Variants in MAGI2 observed in about 807,000 individuals in gnomAD.
The protein encoded by MAGI2 is membrane-associated guanylate kinase, WW and PDZ domain-containing protein 2.
Under a neutral mutation model 133.3 loss-of-function variants are expected in MAGI2, and 35 were observed. The observed-to-expected ratio is 0.26, with a 90% CI of 0.20 to 0.35. The LOEUF (loss-of-function observed/expected upper bound fraction) is 0.35. Ranked by LOEUF, MAGI2 falls within the 10% of genes least tolerant of loss-of-function variation. The pLI is 1.00. For missense variants in MAGI2, 1,636 were observed against 1,863.4 expected, an observed-to-expected ratio of 0.88 and a Z score of 2.25; for synonymous variants, 729 against 710.6, an observed-to-expected ratio of 1.03 and a Z score of -0.41.
At chr7:78,938,375 T>C (rs967690466) in intron 2 of MAGI2, among the ~76,000 whole-genome samples, 3 of 152,240 alleles carry the variant, frequency 2.0e-5, no homozygotes, top group East Asian at 3.9e-4. Flanking sequence ...AGTCACCATA[T>C]TGCGTATAGT....
At chr7:78,540,723 T>TA (rs952177067) in intron 3 of MAGI2, among the ~76,000 whole-genome samples, 23 of 152,158 alleles carry the variant, frequency 1.5e-4, no homozygotes, top group African/African-American at 5.3e-4. Flanking sequence ...CCCTGAGAGA[T>TA]AAAGTCAGAA....
At chr7:78,023,359 GT>G (rs1473300887) in intron 21 of MAGI2, among the ~76,000 whole-genome samples, 1 of 152,050 alleles carries the variant, frequency 6.6e-6, no homozygotes, top group South Asian at 2.1e-4. Context: ...CTGCCTACCT[GT>G]TTCCCTGCCT....
At chr7:79,421,238 T>C (rs1846936940) in intron 1 of MAGI2, among the ~76,000 whole-genome samples, 1 of 152,038 alleles carries the variant, frequency 6.6e-6, no homozygotes, top group Non-Finnish European at 1.5e-5. Flanking sequence ...CTATATATTC[T>C]TACCATGTTG....
chr7:79,449,508 C>T (rs947411319), intron 1 of MAGI2, among the ~76,000 whole-genome samples: 3 of 152,064 alleles, frequency 2.0e-5, no homozygotes, highest in Non-Finnish European at 4.4e-5. Flanking sequence ...CTGCTGTGAA[C>T]TTTAGTGGCA....
intron 20 of MAGI2, 50 bp downstream of exon 20, chr7:78,125,644 C>T (rs367973229): frequency 1.5e-4 from 234 of 1,590,354 alleles, no homozygotes; most frequent in Admixed American, 1.2e-3. Flanking sequence ...ATACCACAGT[C>T]GGTTTTTCTT....
chr7:79,239,034 A>C (rs1832166344), intron 1 of MAGI2, among the ~76,000 whole-genome samples: 1 of 152,182 alleles, frequency 6.6e-6, no homozygotes, highest in South Asian at 2.1e-4. Flanking sequence ...TTCATTAGGA[A>C]ATAATGTTCT....
chr7:78,686,821 G>A (rs533570338), intron 2 of MAGI2, among the ~76,000 whole-genome samples: 3 of 152,244 alleles, frequency 2.0e-5, no homozygotes, highest in Admixed American at 6.5e-5. Context: ...GAAAGCAAGC[G>A]CATACTAACT....
intron 1 of MAGI2, among the ~76,000 whole-genome samples, chr7:79,408,430 G>A (rs1845947881): frequency 6.6e-6 from 1 of 151,890 alleles, no homozygotes; most frequent in African/African-American, 2.4e-5. Context: ...GGTCTTTGGA[G>A]GGTTACCCAG....
At chr7:78,187,033 T>C (rs939099597) in intron 12 of MAGI2, among the ~76,000 whole-genome samples, 2 of 152,212 alleles carry the variant, frequency 1.3e-5, no homozygotes, top group African/African-American at 4.8e-5. Flanking sequence ...GAGTTACTTC[T>C]ATCTGAGAGA....
intron 1 of MAGI2, among the ~76,000 whole-genome samples, chr7:79,239,978 C>T (rs566236951): frequency 1.3e-5 from 2 of 152,274 alleles, no homozygotes; most frequent in East Asian, 1.9e-4. Context: ...AAATGTCTTC[C>T]CTCAGATTAT....
intron 4 of MAGI2, among the ~76,000 whole-genome samples, chr7:78,508,185 CCTAA>C (rs1166232748): frequency 6.6e-6 from 1 of 152,010 alleles, no homozygotes; most frequent in East Asian, 1.9e-4. Flanking sequence ...ATGACCACGT[CCTAA>C]CTAATTATAT....
At chr7:78,109,198 G>C (rs1378060560) in intron 20 of MAGI2, among the ~76,000 whole-genome samples, 1 of 149,034 alleles carries the variant, frequency 6.7e-6, no homozygotes, top group Admixed American at 6.7e-5. Flanking sequence ...CAGCTACTCG[G>C]GAGGCTGAGG....
intron 2 of MAGI2, among the ~76,000 whole-genome samples, chr7:78,979,178 A>G (rs1408737971): frequency 6.6e-6 from 1 of 151,844 alleles, no homozygotes; most frequent in Non-Finnish European, 1.5e-5. Flanking sequence ...CTTAGAGGAA[A>G]TGACACCCCA....
rs1796968269 is a variant in MAGI2 at position 78,526,537 on chromosome 7, T to C, written c.539-4892A>G. On this transcript the variant is annotated intron_variant, in intron 3 of 21. Transcript: ENST00000354212. ...ATTGTCCCCTTAATTCTGTGATATTTGGAAAATCTATAAATTTACATAGTC... is the reference window on the plus strand; with the variant it reads ...ATTGTCCCCTTAATTCTGTGATATTCGGAAAATCTATAAATTTACATAGTC... 2.6e-5 allele frequency among the ~76,000 whole-genome samples: 4 copies of C among 152,346 alleles called. No homozygotes were observed. In the South Asian group the frequency reaches 8.3e-4, roughly 32 times the overall value.
chr7:78,739,986 G>A (rs1036415059), intron 2 of MAGI2, among the ~76,000 whole-genome samples: 1 of 151,990 alleles, frequency 6.6e-6, no homozygotes, highest in East Asian at 1.9e-4. Flanking sequence ...GTGAAACCCC[G>A]TTTCTACTAA....
chr7:79,349,586 G>T (rs1483156199), intron 1 of MAGI2, among the ~76,000 whole-genome samples: 1 of 151,928 alleles, frequency 6.6e-6, no homozygotes, highest in Non-Finnish European at 1.5e-5. Context: ...ATCTAGAGAG[G>T]TTGAGTAATT....
intron 9 of MAGI2, among the ~76,000 whole-genome samples, chr7:78,312,330 C>G (rs976046807): frequency 4.6e-5 from 7 of 151,824 alleles, no homozygotes; most frequent in Non-Finnish European, 7.4e-5. Context: ...AACATCAAAC[C>G]TAAACTTCTT....
At chr7:78,402,676 G>A (rs1796998217) in intron 6 of MAGI2, among the ~76,000 whole-genome samples, 1 of 152,162 alleles carries the variant, frequency 6.6e-6, no homozygotes, top group South Asian at 2.1e-4. Flanking sequence ...TAAAAACACA[G>A]ATTAAACTTA....
chr7:79,281,733 C>T (rs1420538878), intron 1 of MAGI2, among the ~76,000 whole-genome samples: 1 of 152,028 alleles, frequency 6.6e-6, no homozygotes, highest in Non-Finnish European at 1.5e-5. Context: ...TTGATGTGTT[C>T]CAAATATAGT....
Sources: allele counts gnomAD v4.1 joint callset (sites outside exome capture counted in the v4.1 genomes callset), GRCh38; gene constraint gnomAD v4.1.1; transcripts MANE v1.5; gene names NCBI Gene and HGNC (gene_info 2026-07-23, HGNC 2026-07-21).